Variants in ABHD17C observed in about 807,000 individuals in gnomAD.
ABHD17C encodes alpha/beta hydrolase domain-containing protein 17C.
In ABHD17C, 11 loss-of-function variants were observed where a neutral mutation model predicts 27.9. The ratio of observed to expected loss-of-function variants is 0.39; its 90% CI spans 0.25 to 0.65. ABHD17C has a LOEUF of 0.65. Among genes scored for constraint, ABHD17C ranks in the 30% least tolerant of loss-of-function variants. The pLI, the probability that ABHD17C is intolerant of heterozygous loss-of-function variation, is 0.45. For missense variants in ABHD17C, 280 were observed against 470.2 expected (o/e 0.60, Z 3.74); for synonymous variants, 233 against 209.1 (o/e 1.11, Z -0.98).
In ABHD17C at chr15:80,704,232, C is replaced by G. The variant is rs556370378; in HGVS notation, c.590+8213C>G. On this transcript the variant is annotated intron_variant, in intron 1 of 2. Coordinates refer to ENST00000258884, the MANE Select transcript of ABHD17C (RefSeq NM_021214.2). ...TTCCAGGGAGCCTGAAGCTCCTGCC[C>G]TGTTCCTCTCTCTCCAGCTGCCTCT... Among the ~76,000 whole-genome samples the G allele has an allele frequency of 3.9e-5, 6 of 152,222 alleles. No individual in the cohort carries two copies. In the South Asian group the frequency reaches 1.3e-3, roughly 32 times the overall value.
intron 2 of ABHD17C, among the ~76,000 whole-genome samples, chr15:80,750,514 A>G (rs1895352174): frequency 6.6e-6 from 1 of 152,224 alleles, no homozygotes; most frequent in South Asian, 2.1e-4. Context: ...AGGGTTTTTG[A>G]TTGACCCATT....
chr15:80,744,053 A>G (rs961809933), intron 1 of ABHD17C, among the ~76,000 whole-genome samples: 2 of 152,200 alleles, frequency 1.3e-5, no homozygotes, highest in African/African-American at 2.4e-5. Context: ...TTCTAAAGCT[A>G]TGATGTTAAA....
At chr15:80,734,619 GTCA>G (rs1567036776) in intron 1 of ABHD17C, among the ~76,000 whole-genome samples, 1 of 152,164 alleles carries the variant, frequency 6.6e-6, no homozygotes, top group African/African-American at 2.4e-5. Context: ...TTAAAATGAA[GTCA>G]TCATGTCAGG....
chr15:80,743,754 T>G (rs555143248), intron 1 of ABHD17C, among the ~76,000 whole-genome samples: 2 of 152,074 alleles, frequency 1.3e-5, no homozygotes, highest in East Asian at 1.9e-4. Flanking sequence ...CCCAACTAAT[T>G]TTTTGTATTT....
In ABHD17C at chr15:80,755,255, A is replaced by G. The variant is rs1313804173; in HGVS notation, c.*885A>G. ...TATGTTTTTATTCCTATGTTTTGCT[A>G]TTAAAAATTTTATAACATTTCCAAG... On this transcript the variant is annotated 3_prime_UTR_variant, in exon 3 of 3. Coordinates refer to ENST00000258884, the MANE Select transcript of ABHD17C (RefSeq NM_021214.2). 1 of 152,228 alleles carries G rather than the reference A, an allele frequency of 6.6e-6. No homozygotes were observed. Among genetic ancestry groups the G allele is most frequent in the Non-Finnish European group, 1.5e-5 (1 of 68,030 alleles). The allele number at this position is 152,228 out of a possible 1,614,324, so 9.4% of individuals were successfully genotyped here. A position where few individuals can be genotyped will look rare whatever the true frequency, so the allele number is the denominator to read the frequency against.
At position 80,696,334 on chromosome 15, in the gene ABHD17C, A is replaced by T. The variant is rs1894495089; in HGVS notation, c.590+315A>T. Among the ~76,000 whole-genome samples the T allele has an allele frequency of 1.3e-5, 2 of 152,138 alleles. 1 individual carries two copies. The highest frequency in any genetic ancestry group is 3.9e-4 in the East Asian group (2 of 5,192). On this transcript the variant is annotated intron_variant, in intron 1 of 2. Transcript: ENST00000258884. ...TGGCTCCGGTCACCGCGAGTGGCAG[A>T]GTGTGGGTGCTTAAGTACCGGGCAG...
chr15:80,747,199 G>A (rs890129042), intron 1 of ABHD17C, among the ~76,000 whole-genome samples: 1 of 152,106 alleles, frequency 6.6e-6, no homozygotes, highest in Non-Finnish European at 1.5e-5. Context: ...GGAAATTGGA[G>A]GCTCTCTCTC....
At chr15:80,708,263 C>T (rs576666399) in intron 1 of ABHD17C, among the ~76,000 whole-genome samples, 2 of 152,068 alleles carry the variant, frequency 1.3e-5, no homozygotes, top group African/African-American at 2.4e-5. Context: ...TACACTAGCC[C>T]GTTCTCCCCA....
At chr15:80,753,665 C>T (rs1433044385) in intron 2 of ABHD17C, among the ~76,000 whole-genome samples, 5 of 152,116 alleles carry the variant, frequency 3.3e-5, no homozygotes, top group African/African-American at 9.7e-5. Context: ...CTCGGTCTTC[C>T]GAGTAGCTGA....
Position 80,696,116 on chromosome 15 carries a change from C to G in ABHD17C, c.590+97C>G, listed in dbSNP as rs554894335. 4 of 1,297,300 alleles carry G rather than the reference C, an allele frequency of 3.1e-6. No individual in the cohort carries two copies. In the East Asian group the frequency reaches 1.0e-4, roughly 33 times the overall value. 80.4% of individuals were successfully genotyped at this position (1,297,300 alleles called of 1,614,324 possible). On this transcript the variant is annotated intron_variant, in intron 1 of 2. Transcript: ENST00000258884. ...TGGGGCGGCCTGCCAGGAGAGGGGC[C>G]CCTCCTCCGGGGCTGAGGGCCAGCG...
chr15:80,710,153 G>C (rs1335922273), intron 1 of ABHD17C, among the ~76,000 whole-genome samples: 1 of 152,192 alleles, frequency 6.6e-6, no homozygotes, highest in Non-Finnish European at 1.5e-5. Context: ...TGAGGGGTTA[G>C]CTATGTGCAG....
intron 1 of ABHD17C, among the ~76,000 whole-genome samples, chr15:80,710,851 A>G (rs1006256715): frequency 3.9e-5 from 6 of 152,066 alleles, no homozygotes; most frequent in African/African-American, 1.5e-4. Flanking sequence ...TGCTGGGATT[A>G]CAGGCATGAG....
At chr15:80,726,759 T>C (rs1005484650) in intron 1 of ABHD17C, among the ~76,000 whole-genome samples, 5 of 152,016 alleles carry the variant, frequency 3.3e-5, no homozygotes, top group Non-Finnish European at 7.4e-5. Context: ...TCTCCTGACC[T>C]TGTGATCCGC....
chr15:80,735,254 A>G (rs545975032), intron 1 of ABHD17C, among the ~76,000 whole-genome samples: 13 of 152,288 alleles, frequency 8.5e-5, no homozygotes, highest in African/African-American at 2.6e-4. Flanking sequence ...CTGAAACTCA[A>G]TATATTCCCA....
At chr15:80,704,806 C>T (rs1361995600) in intron 1 of ABHD17C, 2 of 152,212 alleles carry the variant, frequency 1.3e-5, no homozygotes, top group Non-Finnish European at 2.9e-5. Context: ...AAGAGAGCAT[C>T]GACCTTGAAG....
In ABHD17C at chr15:80,749,640, C is replaced by T. The variant is rs1241550757; in HGVS notation, c.718C>T (p.Arg240Cys). ...CCATTCCCCTCTGATGTCTGGTTTG[C>T]GTGTGGCTTTTCCGGATACCAGGAA... The part of the protein sequence containing the change: ...ILHSPLMSGL[R>C]VAFPDTRKTY... The change falls in exon 2 of 3, where the codon CGT (arginine) becomes TGT (cysteine). Residue 240 changes from arginine to cysteine, a missense_variant. Arg to Cys is a radical substitution (Grantham distance 180). Transcript: ENST00000258884. 1 of 1,613,948 alleles carries T rather than the reference C, an allele frequency of 6.2e-7. No individual in the cohort carries two copies. The highest frequency in any genetic ancestry group is 8.5e-7 in the Non-Finnish European group (1 of 1,179,860).
chr15:80,741,994 A>G (rs1389859109), intron 1 of ABHD17C, among the ~76,000 whole-genome samples: 1 of 152,186 alleles, frequency 6.6e-6, no homozygotes, highest in South Asian at 2.1e-4. Flanking sequence ...GAGTGGGACA[A>G]TGTGAGATTT....
At chr15:80,742,696 AT>A (rs1895226757) in intron 1 of ABHD17C, among the ~76,000 whole-genome samples, 1 of 152,084 alleles carries the variant, frequency 6.6e-6, no homozygotes, top group Non-Finnish European at 1.5e-5. Flanking sequence ...GTTAAATGAG[AT>A]TGTAGGAGAG....
chr15:80,732,717 C>G (rs999345917), intron 1 of ABHD17C, among the ~76,000 whole-genome samples: 1 of 152,178 alleles, frequency 6.6e-6, no homozygotes, highest in African/African-American at 2.4e-5. Context: ...AGGGCTGCTT[C>G]GCTGCTTCAT....
Sources: allele counts gnomAD v4.1 joint callset (sites outside exome capture counted in the v4.1 genomes callset), GRCh38; gene constraint gnomAD v4.1.1; transcripts MANE v1.5; gene names NCBI Gene and HGNC (gene_info 2026-07-23, HGNC 2026-07-21).